The following INSIG2 variants were observed in gnomAD, a reference collection of about 807,000 sequenced individuals.
The protein encoded by INSIG2 is insulin-induced gene 2 protein.
Under a neutral mutation model 27.2 loss-of-function variants are expected in INSIG2, and 10 were observed. The ratio of observed to expected loss-of-function variants is 0.37; its 90% CI spans 0.23 to 0.62. INSIG2 has a LOEUF of 0.62. Among genes scored for constraint, INSIG2 ranks in the 20% least tolerant of loss-of-function variants. The pLI, the probability that INSIG2 is intolerant of heterozygous loss-of-function variation, is 0.65. For synonymous variants in INSIG2, 97 were observed against 95.8 expected, an observed-to-expected ratio of 1.01 and a Z score of -0.07; for missense variants, 178 against 270.2, an observed-to-expected ratio of 0.66 and a Z score of 2.39.
chr2:118,089,041 T>G (rs1043048205), intron 1 of INSIG2, among the ~76,000 whole-genome samples: 4 of 152,184 alleles, frequency 2.6e-5, no homozygotes, highest in Admixed American at 2.0e-4. Flanking sequence ...CTCTGGCATT[T>G]TTGACTGGAA....
chr2:118,107,071 G>T lies in INSIG2; in HGVS notation c.537-19G>T. 1.3e-6 allele frequency: 2 copies of T among 1,538,056 alleles called. No individual in the cohort carries two copies. The highest frequency in any genetic ancestry group is 1.8e-6 in the Non-Finnish European group (2 of 1,112,434). ...TTGCAGTTCCTCTGTGGGTATTAAA[G>T]ACATGTCTGTTATTCTAGATATACA... On this transcript the variant is annotated intron_variant, in intron 4 of 5. Transcript: ENST00000245787.
chr2:118,098,014 G>A (rs1435230474), intron 2 of INSIG2, among the ~76,000 whole-genome samples: 1 of 152,164 alleles, frequency 6.6e-6, no homozygotes, highest in Non-Finnish European at 1.5e-5. Context: ...AAGTCATGAA[G>A]GCAGTGATTC....
intron 1 of INSIG2, among the ~76,000 whole-genome samples, chr2:118,093,944 G>T (rs1359006734): frequency 0.076 from 607 of 7,946 alleles, 54 homozygotes; most frequent in East Asian, 0.25. Context: ...ATGATGATGA[G>T]GAGGAGGAGG....
At chr2:118,098,870 C>A (rs966418244) in intron 2 of INSIG2, among the ~76,000 whole-genome samples, 12 of 152,300 alleles carry the variant, frequency 7.9e-5, no homozygotes, top group Admixed American at 6.5e-4. Flanking sequence ...TTAAGTATTT[C>A]TTCTGAAAGC....
At chr2:118,100,770 C>T (rs578186039) in intron 2 of INSIG2, among the ~76,000 whole-genome samples, 100 of 152,266 alleles carry the variant, frequency 6.6e-4, no homozygotes, top group Admixed American at 2.3e-3. Context: ...TATAGTTTTG[C>T]GTCGAAGTAT....
In INSIG2 at chr2:118,108,366, G is replaced by T. The variant is rs762094148; in HGVS notation, c.*44G>T. On this transcript the variant is annotated 3_prime_UTR_variant, in exon 6 of 6. Coordinates refer to ENST00000245787, the MANE Select transcript of INSIG2 (RefSeq NM_016133.4). ...TTTGTACAGAAAAGCAAGATGAAAA[G>T]GATGTGAAATGGTAGATATACCAAC... is the stretch of plus-strand genomic sequence containing the variant. 3 of 1,479,196 alleles carry T rather than the reference G, an allele frequency of 2.0e-6. No individual in the cohort carries two copies. Among genetic ancestry groups the T allele is most frequent in the East Asian group, 2.3e-5 (1 of 43,390 alleles). The allele number at this position is 1,479,196 out of a possible 1,614,324, so 91.6% of individuals were successfully genotyped here. A position where few individuals can be genotyped will look rare whatever the true frequency, so the allele number is the denominator to read the frequency against.
intron 2 of INSIG2, among the ~76,000 whole-genome samples, chr2:118,101,300 GA>G (rs1417988716): frequency 2.0e-5 from 3 of 152,146 alleles, no homozygotes; most frequent in Non-Finnish European, 4.4e-5. Context: ...CAATGGATTT[GA>G]TTTTTATTGG....
Position 118,103,165 on chromosome 2 carries a change from G to A in INSIG2, c.245-32G>A, listed in dbSNP as rs1198412233. ...TAAGTGTTGCCAGTACAACATTGGA[G>A]GTAACTTAATTTTTTTCTTTTTTCC... On this transcript the variant is annotated intron_variant, in intron 2 of 5. Transcript: ENST00000245787. 3.7e-6 allele frequency: 6 copies of A among 1,601,284 alleles called. No homozygotes were observed. The African/African-American group carries it at 6.7e-5, about 18-fold the overall frequency.
chr2:118,102,033 C>T (rs1241889892), intron 2 of INSIG2, among the ~76,000 whole-genome samples: 3 of 152,160 alleles, frequency 2.0e-5, no homozygotes, highest in African/African-American at 4.8e-5. Context: ...GAATGCATTG[C>T]CTGTGAGATA....
chr2:118,099,759 T>C (rs555581204), intron 2 of INSIG2, among the ~76,000 whole-genome samples: 1 of 152,322 alleles, frequency 6.6e-6, no homozygotes, highest in South Asian at 2.1e-4. Context: ...TGTAGAGCCT[T>C]GTAAGATTCC....
intron 3 of INSIG2, among the ~76,000 whole-genome samples, chr2:118,105,141 C>T (rs1049335606): frequency 5.4e-4 from 82 of 152,118 alleles, no homozygotes; most frequent in Non-Finnish European, 1.0e-3. Flanking sequence ...CCCGGGTTCA[C>T]GCCATTCTCC....
At chr2:118,097,282 T>C (rs1678432570) in intron 2 of INSIG2, among the ~76,000 whole-genome samples, 1 of 152,194 alleles carries the variant, frequency 6.6e-6, no homozygotes, top group Non-Finnish European at 1.5e-5. Flanking sequence ...ACCCATCTCA[T>C]CTAAGTGTTA....
intron 2 of INSIG2, among the ~76,000 whole-genome samples, chr2:118,098,175 CT>C (rs1678456340): frequency 6.6e-6 from 1 of 152,156 alleles, no homozygotes. Context: ...TTCTCAACAA[CT>C]TTTCTAGTTC....
At chr2:118,089,472 G>A (rs1678174587) in intron 1 of INSIG2, among the ~76,000 whole-genome samples, 1 of 152,076 alleles carries the variant, frequency 6.6e-6, no homozygotes, top group South Asian at 2.1e-4. Context: ...AATAAAAGCA[G>A]CCAGACAGTA....
chr2:118,093,128 C>T (rs1678301337), intron 1 of INSIG2, among the ~76,000 whole-genome samples: 1 of 111,978 alleles, frequency 8.9e-6, no homozygotes, highest in Non-Finnish European at 1.8e-5. Flanking sequence ...AGCTACTGAA[C>T]CTTGCCAAAA....
At chr2:118,091,779 G>T (rs1678237991) in intron 1 of INSIG2, among the ~76,000 whole-genome samples, 1 of 152,154 alleles carries the variant, frequency 6.6e-6, no homozygotes. Context: ...AACAAGCACT[G>T]CCAGGAAAGG....
At position 118,096,661 on chromosome 2, in the gene INSIG2, A is replaced by AT; in HGVS notation, c.111dup (p.Ile38TyrfsTer24). On this transcript the variant is annotated frameshift_variant, in exon 2 of 6. Coordinates refer to ENST00000245787, the MANE Select transcript of INSIG2 (RefSeq NM_016133.4). LOFTEE classifies it high-confidence loss of function. Reference sequence around the variant, plus strand: ...ACTTGATGATTCGAGGAGTAGTGCTATTTTTTATTGGAGTATTTCTTGCAT... The same window carrying AT: ...ACTTGATGATTCGAGGAGTAGTGCTATTTTTTTATTGGAGTATTTCTTGCAT... 6.2e-7 allele frequency: 1 copy of AT among 1,613,932 alleles called. No homozygotes were observed.
At chr2:118,107,048 G>A in intron 4 of INSIG2, 42 bp from the exon 5 acceptor site, 1 of 1,437,880 alleles carries the variant, frequency 7.0e-7, no homozygotes, top group East Asian at 2.3e-5. Flanking sequence ...AAGTGTCATT[G>A]CAGTTCCTCT....
intron 2 of INSIG2, among the ~76,000 whole-genome samples, chr2:118,098,762 A>G (rs1678470820): frequency 6.6e-6 from 1 of 152,184 alleles, no homozygotes; most frequent in Non-Finnish European, 1.5e-5. Flanking sequence ...TGCTAATACC[A>G]CAGTTCAGCC....
Sources: allele counts gnomAD v4.1 joint callset (sites outside exome capture counted in the v4.1 genomes callset), GRCh38; gene constraint gnomAD v4.1.1; transcripts MANE v1.5; gene names NCBI Gene and HGNC (gene_info 2026-07-23, HGNC 2026-07-21).